The following SLC17A2 variants were observed in gnomAD, a reference collection of about 807,000 sequenced individuals.
SLC17A2 encodes solute carrier family 17 member 2.
A neutral mutation model predicts 52.1 loss-of-function variants in SLC17A2; 38 were observed. The ratio of observed to expected loss-of-function variants is 0.73; its 90% CI spans 0.56 to 0.96. SLC17A2 has a LOEUF of 0.96. Among genes scored for constraint, SLC17A2 ranks in the 40% least tolerant of loss-of-function variants. SLC17A2 has a pLI of 0.00. For missense variants in SLC17A2, 508 were observed against 583.9 expected (o/e 0.87, Z 1.34); for synonymous variants, 226 against 211.9 (o/e 1.07, Z -0.58).
chr6:25,919,734 G>A (rs973551606), intron 5 of SLC17A2, among the ~76,000 whole-genome samples: 2 of 96,650 alleles, frequency 2.1e-5, no homozygotes, highest in Non-Finnish European at 4.9e-5. Context: ...AAAAGGTTTA[G>A]GAAGTTTTTA....
At position 25,928,441 on chromosome 6, in the gene SLC17A2, A is replaced by G. The variant is rs568209479; in HGVS notation, c.-84+1836T>C. 7.2e-5 allele frequency among the ~76,000 whole-genome samples: 11 copies of G among 152,302 alleles called. No homozygotes were observed. In the East Asian group the frequency reaches 1.9e-3, roughly 27 times the overall value. On this transcript the variant is annotated intron_variant, in intron 1 of 11. Coordinates refer to ENST00000377850, the MANE Select transcript of SLC17A2 (RefSeq NM_001286123.3). ...ACTACTTCTCCTTGCTCTTTATGTT[A>G]CTGGAATTGTATCACAAACCCATCA...
chr6:25,916,178 TC>T (rs1247215467), intron 8 of SLC17A2, among the ~76,000 whole-genome samples: 1 of 152,186 alleles, frequency 6.6e-6, no homozygotes, highest in Non-Finnish European at 1.5e-5. Context: ...CCTCCTGGGT[TC>T]AAGCGATTCT....
At chr6:25,922,913 G>C (rs1766609424) in intron 3 of SLC17A2, among the ~76,000 whole-genome samples, 1 of 152,112 alleles carries the variant, frequency 6.6e-6, no homozygotes, top group Admixed American at 6.5e-5. Context: ...ATATACAGCA[G>C]AGCCTGGCAC....
At position 25,930,368 on chromosome 6, in the gene SLC17A2, T is replaced by G. The variant is rs1319150840; in HGVS notation, c.-175A>C. ...CCTAGGGTCTTCATTGAATCAGTTA[T>G]CTTTTTCAGAGAGTCTCTTCATTTT... On this transcript the variant is annotated 5_prime_UTR_variant, in exon 1 of 12. Transcript: ENST00000377850. The G allele has an allele frequency of 6.6e-6, 1 of 152,204 alleles. No homozygotes were observed. Among genetic ancestry groups the G allele is most frequent in the African/African-American group, 2.4e-5 (1 of 41,450 alleles). The allele number at this position is 152,204 out of a possible 1,614,324, so 9.4% of individuals were successfully genotyped here.
chr6:25,929,508 TA>T (rs1187707027), intron 1 of SLC17A2, among the ~76,000 whole-genome samples: 1 of 152,222 alleles, frequency 6.6e-6, no homozygotes, highest in African/African-American at 2.4e-5. Flanking sequence ...GATTGGTTGT[TA>T]AATTGGTTTT....
At chr6:25,923,976 G>C in intron 2 of SLC17A2, 70 bp from the exon 3 acceptor site, 1 of 1,231,876 alleles carries the variant, frequency 8.1e-7, no homozygotes, top group Non-Finnish European at 1.2e-6. Context: ...TTCTCTCACA[G>C]CTCGATCTGA....
Position 25,913,418 on chromosome 6 carries a change from G to A in SLC17A2, c.1336C>T (p.Leu446=), listed in dbSNP as rs1222374497. The part of the protein sequence containing the change: ...FESGWRNVFF[L]SAAVNMFGLV... ...CCAAACATGTTGACTGCAGCAGACAGGAAAAAGACATTCCTCCAACCAGAC... is the reference window on the plus strand; with the variant it reads ...CCAAACATGTTGACTGCAGCAGACAAGAAAAAGACATTCCTCCAACCAGAC... Residue 446 remains leucine, a synonymous_variant, in exon 12 of 12, where the codon CTG becomes TTG. Transcript: ENST00000377850. The A allele has an allele frequency of 6.2e-7, 1 of 1,614,028 alleles. No individual in the cohort carries two copies.
chr6:25,928,260 A>G (rs563607675), intron 1 of SLC17A2, among the ~76,000 whole-genome samples: 1 of 152,034 alleles, frequency 6.6e-6, no homozygotes, highest in Non-Finnish European at 1.5e-5. Flanking sequence ...TTTTAATCAC[A>G]AGCTTAAAAC....
chr6:25,921,764 A>C (rs926803310), intron 3 of SLC17A2, among the ~76,000 whole-genome samples: 2 of 152,136 alleles, frequency 1.3e-5, no homozygotes, highest in Non-Finnish European at 2.9e-5. Flanking sequence ...TATATCAAAG[A>C]ATTTTTTAAA....
intron 11 of SLC17A2, 108 bp downstream of exon 11, chr6:25,914,472 T>C (rs1346484437): frequency 2.7e-6 from 2 of 733,844 alleles, no homozygotes; most frequent in South Asian, 1.6e-5. Context: ...TAGAGGCTCA[T>C]GTAAATAGAG....
chr6:25,915,723 C>G lies in SLC17A2; in HGVS notation c.1063+13G>C. On this transcript the variant is annotated intron_variant, in intron 9 of 11. Transcript: ENST00000377850. The stretch of plus-strand genomic sequence containing the variant: ...AAGGGATTGGTTAAATGGGCCCACA[C>G]GCTTATCCTTACCAAGAGATGAAAA... The G allele has an allele frequency of 6.2e-7, 1 of 1,613,704 alleles. No individual in the cohort carries two copies. The highest frequency in any genetic ancestry group is 8.5e-7 in the Non-Finnish European group (1 of 1,179,838).
intron 5 of SLC17A2, among the ~76,000 whole-genome samples, chr6:25,920,300 G>C (rs898768621): frequency 6.6e-6 from 1 of 152,124 alleles, no homozygotes; most frequent in Non-Finnish European, 1.5e-5. Flanking sequence ...AGGCTGGGGA[G>C]AACAGCAATG....
At position 25,918,539 on chromosome 6, in the gene SLC17A2, C is replaced by G. The variant is rs771193772; in HGVS notation, c.597G>C (p.Val199=). 20 of 1,613,522 alleles carry G rather than the reference C, an allele frequency of 1.2e-5. No individual in the cohort carries two copies. The highest frequency in any genetic ancestry group is 1.7e-5 in the Non-Finnish European group (20 of 1,179,640). Reference sequence around the variant, plus strand: ...TCAAGGCCTGTGAGATTAGTCCCCCCACACAGAGGATGATGAAGGATCCAA... The same window carrying G: ...TCAAGGCCTGTGAGATTAGTCCCCCGACACAGAGGATGATGAAGGATCCAA... The part of the protein sequence containing the change: ...SAFGSFIILC[V]GGLISQALSW... The change falls in exon 6 of 12, where the codon GTG becomes GTC. Residue 199 remains valine (V), a synonymous_variant. Transcript: ENST00000377850.
At chr6:25,925,696 C>T (rs1221710200) in intron 2 of SLC17A2, 73 bp downstream of exon 2, 8 of 1,326,978 alleles carry the variant, frequency 6.0e-6, no homozygotes, top group Non-Finnish European at 8.7e-6. Context: ...CAGTGTGATG[C>T]AGAGATGTGT....
At position 25,916,672 on chromosome 6, in the gene SLC17A2, GA is replaced by G; in HGVS notation, c.930+12del. 3 of 1,602,254 alleles carry G rather than the reference GA, an allele frequency of 1.9e-6. No homozygotes were observed. Among genetic ancestry groups the G allele is most frequent in the Non-Finnish European group, 2.6e-6 (3 of 1,169,282 alleles). ...CATTATCATTTTCGTAGAAGTATAG[GA>G]AGTAAACTCACATCTCTGATGTTAA... On this transcript the variant is annotated intron_variant, in intron 8 of 11. Transcript: ENST00000377850.
At chr6:25,928,359 T>G (rs1276332453) in intron 1 of SLC17A2, among the ~76,000 whole-genome samples, 2 of 152,154 alleles carry the variant, frequency 1.3e-5, no homozygotes, top group Non-Finnish European at 2.9e-5. Context: ...GAAGGAAGTT[T>G]GATAATGAAA....
At chr6:25,915,149 G>GTGTATAAATATATATATATATA (rs749697702) in intron 10 of SLC17A2, among the ~76,000 whole-genome samples, 2 of 57,850 alleles carry the variant, frequency 3.5e-5, no homozygotes, top group Non-Finnish European at 8.1e-5. Flanking sequence ...TATTGTGACT[G>GTGTATAAATATATATATATATA]TATATATATA....
At chr6:25,916,537 A>C (rs760141303) in intron 8 of SLC17A2, 148 bp downstream of exon 8, 7 of 698,058 alleles carry the variant, frequency 1.0e-5, no homozygotes, top group African/African-American at 1.8e-5. Flanking sequence ...CACATCTGTG[A>C]AAAGGGAATT....
At chr6:25,922,162 A>T in intron 3 of SLC17A2, among the ~76,000 whole-genome samples, 1 of 151,984 alleles carries the variant, frequency 6.6e-6, no homozygotes, top group African/African-American at 2.4e-5. Context: ...TTACCCACTC[A>T]AAAAAACTAT....
Sources: gnomAD v4.1 joint callset for allele counts (sites outside exome capture counted in the v4.1 genomes callset) on GRCh38, gnomAD v4.1.1 for gene constraint, MANE v1.5 for transcripts, NCBI Gene and HGNC (gene_info 2026-07-23, HGNC 2026-07-21) for gene names.